FOXP1: variants seen among roughly 807,000 people sequenced by gnomAD.
FOXP1 encodes the protein forkhead box protein P1.
A neutral mutation model predicts 98.2 loss-of-function variants in FOXP1; 15 were observed. The ratio of observed to expected loss-of-function variants is 0.15; its 90% CI spans 0.10 to 0.24. FOXP1 has a LOEUF of 0.24. FOXP1 is among the 10% of genes least tolerant of loss of function. The probability of loss-of-function intolerance (pLI) is 1.00; values close to 1 mark genes in which losing one functional copy is unlikely to be tolerated. For synonymous variants in FOXP1, 371 were observed against 314.5 expected, an observed-to-expected ratio of 1.18 and a Z score of -1.90; for missense variants, 633 against 848.5, an observed-to-expected ratio of 0.75 and a Z score of 3.15.
At chr3:71,575,358 A>G (rs1164651573) in intron 2 of FOXP1, among the ~76,000 whole-genome samples, 1 of 152,200 alleles carries the variant, frequency 6.6e-6, no homozygotes, top group Non-Finnish European at 1.5e-5. Context: ...ATGCATCAGA[A>G]TTATCAAGGG....
intron 5 of FOXP1, among the ~76,000 whole-genome samples, chr3:71,293,814 CT>C (rs2073008414): frequency 6.6e-6 from 1 of 152,108 alleles, no homozygotes; most frequent in Non-Finnish European, 1.5e-5. Context: ...TGACGTTTAA[CT>C]GTTGAGAGGC....
At chr3:71,003,992 CT>C (rs975244369) in intron 12 of FOXP1, among the ~76,000 whole-genome samples, 40 of 145,466 alleles carry the variant, frequency 2.7e-4, no homozygotes, top group East Asian at 3.9e-4. Context: ...GGGAATTTCA[CT>C]TTTTTTTTTT....
chr3:71,177,843 T>TTTC (rs2062034275), intron 6 of FOXP1, among the ~76,000 whole-genome samples: 1 of 142,672 alleles, frequency 7.0e-6, no homozygotes, highest in Admixed American at 6.9e-5. Context: ...TTTCTTTCTT[T>TTTC]TTTTTTTTTT....
At chr3:71,010,997 A>G (rs1003421704) in intron 12 of FOXP1, among the ~76,000 whole-genome samples, 3 of 152,142 alleles carry the variant, frequency 2.0e-5, no homozygotes, top group African/African-American at 7.2e-5. Context: ...GGAAATGTGA[A>G]TCTACAAGAA....
chr3:70,966,267 G>C (rs2034749788), intron 19 of FOXP1: 1 of 581,876 alleles, frequency 1.7e-6, no homozygotes, highest in East Asian at 3.1e-5. Context: ...CTGGGGGCCA[G>C]GGGGGACCAA....
chr3:71,126,871 C>CA (rs1230464030), intron 6 of FOXP1, among the ~76,000 whole-genome samples: 1,656 of 77,044 alleles, frequency 0.021, 25 homozygotes, highest in African/African-American at 0.043. Context: ...AAAAAACAAA[C>CA]AAAAAAAAAA....
Position 71,457,426 on chromosome 3 carries a change from G to A in FOXP1, c.-168+36000C>T, listed in dbSNP as rs147662131. Among the ~76,000 whole-genome samples the A allele has an allele frequency of 3.8e-3, 585 of 152,150 alleles. 5 individuals carry two copies. The highest frequency in any genetic ancestry group is 0.013 in the African/African-American group (558 of 41,490). On this transcript the variant is annotated intron_variant, in intron 3 of 20. Coordinates refer to ENST00000649528, the MANE Select transcript of FOXP1 (RefSeq NM_001349338.3). Reference sequence around the variant, plus strand: ...TCAAACAAATCCTCTCTTTCTGCCAGGTACATACCTAAAATATCCTCGGTA... The same window carrying A: ...TCAAACAAATCCTCTCTTTCTGCCAAGTACATACCTAAAATATCCTCGGTA...
intron 17 of FOXP1, among the ~76,000 whole-genome samples, chr3:70,973,199 G>C (rs989897690): frequency 6.6e-6 from 1 of 152,130 alleles, no homozygotes; most frequent in Non-Finnish European, 1.5e-5. Flanking sequence ...GTATCGCCTT[G>C]TATAGTCAAA....
intron 6 of FOXP1, among the ~76,000 whole-genome samples, chr3:71,188,680 G>A (rs1264380351): frequency 2.0e-5 from 3 of 152,170 alleles, no homozygotes; most frequent in African/African-American, 7.2e-5. Context: ...GCCCTCCAAA[G>A]GGGATTACAG....
intron 5 of FOXP1, among the ~76,000 whole-genome samples, chr3:71,237,342 A>G (rs1478378484): frequency 6.6e-6 from 1 of 151,370 alleles, no homozygotes; most frequent in Non-Finnish European, 1.5e-5. Flanking sequence ...GAGATAGTTA[A>G]CCTTCTTTCT....
chr3:71,320,224 C>T (rs2075310950), intron 4 of FOXP1, among the ~76,000 whole-genome samples: 1 of 152,074 alleles, frequency 6.6e-6, no homozygotes, highest in South Asian at 2.1e-4. Flanking sequence ...CTTACCCACG[C>T]ACATCCCATC....
chr3:70,959,696 G>C (rs1286560510), intron 20 of FOXP1, among the ~76,000 whole-genome samples: 3 of 152,200 alleles, frequency 2.0e-5, no homozygotes, highest in Non-Finnish European at 4.4e-5. Flanking sequence ...CTCTTGGGTA[G>C]TGATGCTCTG....
In FOXP1 at chr3:71,348,553, G is replaced by GCGCGCGCGCA. The variant is rs1553853271; in HGVS notation, c.-73+10587_-73+10596dup. Among the ~76,000 whole-genome samples, 443 of 130,726 alleles carry GCGCGCGCGCA rather than the reference G, an allele frequency of 3.4e-3. 2 individuals carry two copies. The highest frequency in any genetic ancestry group is 0.013 in the African/African-American group (429 of 32,050). The allele number at this position is 130,726 out of a possible 152,430, so 85.8% of individuals were successfully genotyped here. On this transcript the variant is annotated intron_variant, in intron 4 of 20. Coordinates refer to ENST00000649528, the MANE Select transcript of FOXP1 (RefSeq NM_001349338.3). Reference sequence around the variant, plus strand: ...TGTGTGTGTGTGTGTGTGTGTGCGTGCGCGCGCGCACGCATATGCATGTGT... The same window carrying GCGCGCGCGCA: ...TGTGTGTGTGTGTGTGTGTGTGCGTGCGCGCGCGCACGCGCGCGCACGCATATGCATGTGT...
At chr3:71,342,530 T>C (rs990875274) in intron 4 of FOXP1, among the ~76,000 whole-genome samples, 2 of 151,994 alleles carry the variant, frequency 1.3e-5, no homozygotes, top group African/African-American at 4.8e-5. Flanking sequence ...CCATCTCTAC[T>C]AAAAATACAA....
intron 7 of FOXP1, among the ~76,000 whole-genome samples, chr3:71,068,871 A>G (rs1251429001): frequency 5.9e-5 from 9 of 152,238 alleles, no homozygotes; most frequent in Admixed American, 5.9e-4. Flanking sequence ...TCTCCAAAGA[A>G]TGGCAATGGG....
intron 3 of FOXP1, among the ~76,000 whole-genome samples, chr3:71,368,535 T>C (rs1312175581): frequency 6.6e-6 from 1 of 152,184 alleles, no homozygotes; most frequent in Non-Finnish European, 1.5e-5. Context: ...TATTGATATA[T>C]GCACAGGCTA....
rs1575642727 is a variant in FOXP1, at chr3:70,957,849, G to A, written c.*1398C>T. ...TTAGCATTTGCTGAACTCAGCCCTC[G>A]TTAACTCCCTTAACAAGTTCAATCT... On this transcript the variant is annotated 3_prime_UTR_variant, in exon 21 of 21. Coordinates refer to ENST00000649528, the MANE Select transcript of FOXP1 (RefSeq NM_001349338.3). 6 of 233,828 alleles carry A rather than the reference G, an allele frequency of 2.6e-5. No individual in the cohort carries two copies. Among genetic ancestry groups the A allele is most frequent in the Admixed American group, 2.2e-4 (4 of 17,820 alleles). 14.5% of individuals were successfully genotyped at this position (233,828 alleles called of 1,614,324 possible).
intron 17 of FOXP1, 126 bp from the exon 18 acceptor site, chr3:70,972,802 C>G (rs899881716): frequency 2.3e-6 from 2 of 866,622 alleles, no homozygotes; most frequent in African/African-American, 3.4e-5. Flanking sequence ...CTACCACCCC[C>G]GTGGAGGACC....
At chr3:71,582,878 G>A (rs772041990) in intron 1 of FOXP1, 1 of 921,528 alleles carries the variant, frequency 1.1e-6, no homozygotes, top group Non-Finnish European at 1.3e-6. Context: ...GTGGCAGCGG[G>A]GAAGTTCCCC....
Sources: gnomAD v4.1 joint callset for allele counts (sites outside exome capture counted in the v4.1 genomes callset) on GRCh38, gnomAD v4.1.1 for gene constraint, MANE v1.5 for transcripts, NCBI Gene and HGNC (gene_info 2026-07-23, HGNC 2026-07-21) for gene names.